Variants in NARS2 observed in about 807,000 individuals in gnomAD.
NARS2 encodes asparaginyl-tRNA synthetase 2, mitochondrial.
In NARS2, 60 loss-of-function variants were observed where a neutral mutation model predicts 62.9. The ratio of observed to expected loss-of-function variants is 0.95; its 90% CI spans 0.77 to 1.18. The LOEUF (loss-of-function observed/expected upper bound fraction) is 1.18, where lower values mean the gene tolerates loss of function less well. NARS2 is among the 50% of genes most tolerant of loss of function. NARS2 has a pLI of 0.00. For synonymous variants in NARS2, 196 were observed against 200.0 expected (o/e 0.98, Z 0.17); for missense variants, 619 against 576.4 (o/e 1.07, Z -0.76).
intron 5 of NARS2, among the ~76,000 whole-genome samples, chr11:78,544,875 G>A (rs1855794409): frequency 6.6e-6 from 1 of 151,594 alleles, no homozygotes; most frequent in Non-Finnish European, 1.5e-5. Flanking sequence ...AGCTACTCAG[G>A]AGGCTGAGGC....
chr11:78,524,393 CAACA>C (rs1348010902), intron 6 of NARS2, among the ~76,000 whole-genome samples: 1 of 151,980 alleles, frequency 6.6e-6, no homozygotes, highest in East Asian at 1.9e-4. Flanking sequence ...ATTCCAACAA[CAACA>C]GTCAAGAGAA....
At chr11:78,557,010 T>C (rs1447354756) in intron 5 of NARS2, among the ~76,000 whole-genome samples, 2 of 152,214 alleles carry the variant, frequency 1.3e-5, no homozygotes, top group Non-Finnish European at 2.9e-5. Context: ...TGGCACCAAA[T>C]GTCCGTTAAT....
At chr11:78,439,882 C>T (rs1284222632) in intron 13 of NARS2, among the ~76,000 whole-genome samples, 1 of 152,042 alleles carries the variant, frequency 6.6e-6, no homozygotes, top group African/African-American at 2.4e-5. Context: ...AAGAAAAAGT[C>T]TGCATAAGGA....
intron 11 of NARS2, among the ~76,000 whole-genome samples, chr11:78,459,592 T>C (rs1267783949): frequency 6.6e-6 from 1 of 152,124 alleles, no homozygotes; most frequent in Non-Finnish European, 1.5e-5. Flanking sequence ...TTATGAGGTG[T>C]TTCCGCTTTC....
rs1380287233 is a variant in NARS2, at chr11:78,544,706, AC to A, written c.594+14832del. ...CTACTCGGGAGGCTGAGGCAGGAGA[AC>A]GGCGTGAACCTGGGAGACGGAGTTT... On this transcript the variant is annotated intron_variant, in intron 5 of 13. Transcript: ENST00000281038. 6.6e-5 allele frequency among the ~76,000 whole-genome samples: 10 copies of A among 151,402 alleles called. No individual in the cohort carries two copies. In the South Asian group the frequency reaches 1.5e-3, roughly 22 times the overall value.
intron 6 of NARS2, among the ~76,000 whole-genome samples, chr11:78,519,533 A>G (rs1035729601): frequency 6.6e-6 from 1 of 152,178 alleles, no homozygotes; most frequent in African/African-American, 2.4e-5. Flanking sequence ...CAGTTAAAAA[A>G]CCAGAATCAT....
At chr11:78,464,126 G>C (rs1858512012) in intron 11 of NARS2, among the ~76,000 whole-genome samples, 1 of 152,128 alleles carries the variant, frequency 6.6e-6, no homozygotes, top group South Asian at 2.1e-4. Flanking sequence ...TGGCTCAGGA[G>C]TGAAGCTGCA....
chr11:78,486,969 A>G (rs1444505422), intron 7 of NARS2, among the ~76,000 whole-genome samples: 3 of 152,230 alleles, frequency 2.0e-5, no homozygotes, highest in African/African-American at 7.2e-5. Flanking sequence ...ATTTCACAGG[A>G]TGGGCTCATT....
intron 12 of NARS2, among the ~76,000 whole-genome samples, chr11:78,443,326 C>CAAAA (rs11409113): frequency 7.2e-5 from 6 of 82,958 alleles, no homozygotes; most frequent in African/African-American, 2.2e-4. Context: ...GACTCCGTCT[C>CAAAA]AAAAAAAAAA....
intron 11 of NARS2, among the ~76,000 whole-genome samples, chr11:78,452,945 G>A (rs1381010222): frequency 6.6e-6 from 1 of 152,192 alleles, no homozygotes; most frequent in East Asian, 1.9e-4. Context: ...TGTAGGTCTG[G>A]CGGTTACCGG....
chr11:78,535,800 A>G (rs1855312794), intron 5 of NARS2, among the ~76,000 whole-genome samples: 1 of 152,074 alleles, frequency 6.6e-6, no homozygotes, highest in African/African-American at 2.4e-5. Context: ...TATTTTTAGT[A>G]GAGACGGGGT....
chr11:78,565,278 C>T (rs112906123), intron 4 of NARS2, among the ~76,000 whole-genome samples: 6,823 of 152,236 alleles, frequency 0.045, 510 homozygotes, highest in African/African-American at 0.16. Flanking sequence ...GCTTACTTTA[C>T]ACAAAATATA....
At chr11:78,574,261 G>C in intron 1 of NARS2, 87 bp downstream of exon 1, 7 of 1,559,036 alleles carry the variant, frequency 4.5e-6, no homozygotes, top group Non-Finnish European at 6.2e-6. Context: ...GGTTGTGTCT[G>C]ACCCGACTGT....
chr11:78,526,572 T>TA (rs1277633694), intron 6 of NARS2, among the ~76,000 whole-genome samples: 2 of 152,194 alleles, frequency 1.3e-5, no homozygotes, highest in Non-Finnish European at 2.9e-5. Context: ...GAACTGTGCA[T>TA]ATTAAACTAG....
At chr11:78,443,186 C>T (rs1451576687) in intron 12 of NARS2, among the ~76,000 whole-genome samples, 1 of 151,778 alleles carries the variant, frequency 6.6e-6, no homozygotes, top group Non-Finnish European at 1.5e-5. Context: ...ATTAGCCGGG[C>T]GTGGTGGCGG....
At chr11:78,531,347 T>A (rs1861470895) in intron 5 of NARS2, among the ~76,000 whole-genome samples, 1 of 151,942 alleles carries the variant, frequency 6.6e-6, no homozygotes, top group South Asian at 2.1e-4. Flanking sequence ...TCTCAATAAA[T>A]CTTAAAAAAC....
intron 5 of NARS2, among the ~76,000 whole-genome samples, chr11:78,551,812 T>C (rs912764860): frequency 6.6e-6 from 1 of 151,984 alleles, no homozygotes; most frequent in Non-Finnish European, 1.5e-5. Flanking sequence ...GATTGCGCCA[T>C]TGTACTCCAG....
chr11:78,478,875 G>A (rs1413016632), intron 7 of NARS2, among the ~76,000 whole-genome samples, 192 bp from the exon 8 acceptor site: 5 of 152,014 alleles, frequency 3.3e-5, no homozygotes, highest in Non-Finnish European at 7.4e-5. Context: ...TGGCAGGGAG[G>A]AAGAAAAAAG....
chr11:78,444,306 G>A (rs1475845027), intron 11 of NARS2, among the ~76,000 whole-genome samples: 13 of 152,002 alleles, frequency 8.6e-5, no homozygotes, highest in Admixed American at 8.5e-4. Context: ...TTCTTATAAT[G>A]TGGCAATGAA....
Sources: gnomAD v4.1 joint callset for allele counts (sites outside exome capture counted in the v4.1 genomes callset) on GRCh38, gnomAD v4.1.1 for gene constraint, MANE v1.5 for transcripts, NCBI Gene and HGNC (gene_info 2026-07-23, HGNC 2026-07-21) for gene names.